Variants in PTPRU observed in about 807,000 individuals in gnomAD.
PTPRU encodes the protein receptor-type tyrosine-protein phosphatase U.
In PTPRU, 69 loss-of-function variants were observed where a neutral mutation model predicts 166.3. The ratio of observed to expected loss-of-function variants is 0.41; its 90% CI spans 0.34 to 0.51. The LOEUF is 0.51. Ranked by LOEUF, PTPRU falls within the 20% of genes least tolerant of loss-of-function variation. The pLI, the probability that PTPRU is intolerant of heterozygous loss-of-function variation, is 0.09. For missense variants in PTPRU, 1,657 were observed against 2,013.7 expected, an observed-to-expected ratio of 0.82 and a Z score of 3.39; for synonymous variants, 793 against 814.0, an observed-to-expected ratio of 0.97 and a Z score of 0.44.
At chr1:29,305,277 T>C in intron 17 of PTPRU, 75 bp from the exon 18 acceptor site, 1 of 1,444,396 alleles carries the variant, frequency 6.9e-7, no homozygotes, top group Non-Finnish European at 9.7e-7. Flanking sequence ...TCCCCTAGCC[T>C]CCAGGAATCC....
At chr1:29,312,491 G>T in intron 21 of PTPRU, 61 bp from the exon 22 acceptor site, 1 of 1,450,988 alleles carries the variant, frequency 6.9e-7, no homozygotes, top group Middle Eastern at 1.8e-4. Context: ...GCACACAGCA[G>T]GTGTCTAATG....
At chr1:29,318,104 G>T (rs1369258782) in intron 25 of PTPRU, among the ~76,000 whole-genome samples, 183 bp downstream of exon 25, 1 of 152,148 alleles carries the variant, frequency 6.6e-6, no homozygotes, top group Non-Finnish European at 1.5e-5. Flanking sequence ...TCAAGCCAGT[G>T]CCCCCCACAC....
intron 15 of PTPRU, among the ~76,000 whole-genome samples, chr1:29,297,895 G>C (rs1421053358): frequency 1.3e-5 from 2 of 152,192 alleles, no homozygotes; most frequent in African/African-American, 4.8e-5. Flanking sequence ...CAGCATTTTG[G>C]TGAGATGGGT....
chr1:29,248,002 T>G (rs868376416), intron 1 of PTPRU, among the ~76,000 whole-genome samples: 1 of 152,268 alleles, frequency 6.6e-6, no homozygotes. Context: ...ACCCATCAGT[T>G]TGTCAGGGCT....
Position 29,319,040 on chromosome 1 carries a change from C to CA in PTPRU, c.3687+1119_3687+1120insA, listed in dbSNP as rs569261300. Among the ~76,000 whole-genome samples, 414 of 152,148 alleles carry CA rather than the reference C, an allele frequency of 2.7e-3. 1 individual carries two copies. In the Middle Eastern group the frequency reaches 0.034, roughly 13 times the overall value. On this transcript the variant is annotated intron_variant, in intron 25 of 29. Transcript: ENST00000373779. ...AGAGGGTAACCACCCAGGGGGCTTC[C>CA]GGGTGTCAGCTGAAGGGGAGGGGAA...
chr1:29,275,359 C>T (rs893306396), intron 7 of PTPRU, 89 bp from the exon 8 acceptor site: 3 of 1,361,300 alleles, frequency 2.2e-6, no homozygotes, highest in South Asian at 1.4e-5. Context: ...TGATTTCAGG[C>T]AGCTGACTGA....
chr1:29,310,687 TG>T, intron 18 of PTPRU, 56 bp from the exon 19 acceptor site: 1 of 1,538,384 alleles, frequency 6.5e-7, no homozygotes, highest in Non-Finnish European at 9.0e-7. Context: ...AGAGGAGGTG[TG>T]GGGGAGTGAG....
intron 15 of PTPRU, among the ~76,000 whole-genome samples, chr1:29,295,182 C>T (rs1485852148): frequency 2.0e-5 from 3 of 151,762 alleles, no homozygotes; most frequent in Non-Finnish European, 2.9e-5. Flanking sequence ...ACTACAGGGG[C>T]GCACCACCAT....
At chr1:29,268,941 T>A (rs1430177108) in intron 7 of PTPRU, among the ~76,000 whole-genome samples, 2 of 150,866 alleles carry the variant, frequency 1.3e-5, no homozygotes, top group South Asian at 4.2e-4. Context: ...GATTTAGAGA[T>A]TTAGCCACTT....
intron 11 of PTPRU, among the ~76,000 whole-genome samples, chr1:29,281,829 G>C (rs1686094291): frequency 1.3e-5 from 2 of 152,244 alleles, no homozygotes; most frequent in African/African-American, 2.4e-5. Context: ...GAGGCTGTCA[G>C]TATGGGATGT....
chr1:29,236,710 TC>T lies in PTPRU; in HGVS notation c.68del (p.Pro23ArgfsTer50). On this transcript the variant is annotated frameshift_variant, in exon 1 of 30. Coordinates refer to ENST00000373779, the MANE Select transcript of PTPRU (RefSeq NM_133178.4). LOFTEE classifies it high-confidence loss of function. This position sits in a 1 kb window ranked among gnomAD's most constrained non-coding sequence, Gnocchi z 4.6. ...AGCTCTGCGCGCCGGAGACCGAGAC[TC>T]CGGCAGGTAAGCGCGCGGCGGCCGG... The part of the protein sequence containing the change: ...FQLCAPETET[P>X]AAGCTFEEAS... 1 of 1,451,048 alleles carries T rather than the reference TC, an allele frequency of 6.9e-7. No individual in the cohort carries two copies. The allele number at this position is 1,451,048 out of a possible 1,614,324, so 89.9% of individuals were successfully genotyped here. A position where few individuals can be genotyped will look rare whatever the true frequency, so the allele number is the denominator to read the frequency against.
At chr1:29,277,641 C>A (rs1685863604) in intron 8 of PTPRU, among the ~76,000 whole-genome samples, 1 of 152,014 alleles carries the variant, frequency 6.6e-6, no homozygotes, top group Non-Finnish European at 1.5e-5. Context: ...ATTCAAGCAC[C>A]ATTCTGAATG....
Position 29,317,956 on chromosome 1 carries a change from C to G in PTPRU, c.3687+35C>G, listed in dbSNP as rs200230957. On this transcript the variant is annotated intron_variant, in intron 25 of 29. Coordinates refer to ENST00000373779, the MANE Select transcript of PTPRU (RefSeq NM_133178.4). The surrounding 1 kb of genome is among the most constrained non-coding windows in gnomAD (Gnocchi z 5.6). ...TGGGGTGGAGTGGGCTCTGGGGCTC[C>G]CCTTCCCAGCAGCATCAGGGAAGGT... 5.6e-6 allele frequency: 9 copies of G among 1,607,926 alleles called. No homozygotes were observed. The East Asian group carries it at 2.0e-4, about 36-fold the overall frequency.
At chr1:29,275,426 C>T (rs1685748328) in intron 7 of PTPRU, 22 bp from the exon 8 acceptor site, 15 of 1,586,896 alleles carry the variant, frequency 9.5e-6, no homozygotes, top group Non-Finnish European at 1.0e-5. Flanking sequence ...AACTTCTTCT[C>T]TCTGCTTCCT....
intron 18 of PTPRU, among the ~76,000 whole-genome samples, chr1:29,306,293 CT>C (rs1459379950): frequency 6.6e-6 from 1 of 152,222 alleles, no homozygotes; most frequent in Non-Finnish European, 1.5e-5. Context: ...GACAGGGCCC[CT>C]AATCCCTACA....
chr1:29,247,557 T>C (rs569273134), intron 1 of PTPRU, among the ~76,000 whole-genome samples: 1 of 152,222 alleles, frequency 6.6e-6, no homozygotes, highest in African/African-American at 2.4e-5. Flanking sequence ...GCCCCTCTAC[T>C]CTATACTCTG....
rs1361836045 is a variant in PTPRU at position 29,236,525 on chromosome 1, C to A, written c.-120C>A. ...CTCGCGCTCTGGACTCGGCGCCAGT[C>A]CCGCTCCGCGCCGCGCCGCTCCGCT... On this transcript the variant is annotated 5_prime_UTR_variant, in exon 1 of 30. Coordinates refer to ENST00000373779, the MANE Select transcript of PTPRU (RefSeq NM_133178.4). This position sits in a 1 kb window ranked among gnomAD's most constrained non-coding sequence, Gnocchi z 4.6. 6 of 766,766 alleles carry A rather than the reference C, an allele frequency of 7.8e-6. No individual in the cohort carries two copies. In the South Asian group the frequency reaches 1.8e-4, roughly 23 times the overall value. 47.5% of individuals were successfully genotyped at this position (766,766 alleles called of 1,614,324 possible). A position where few individuals can be genotyped will look rare whatever the true frequency, so the allele number is the denominator to read the frequency against.
Position 29,291,861 on chromosome 1 carries a change from C to A in PTPRU, c.2319-8C>A. The A allele has an allele frequency of 1.2e-6, 2 of 1,613,562 alleles. No homozygotes were observed. The highest frequency in any genetic ancestry group is 1.7e-6 in the Non-Finnish European group (2 of 1,179,746). ...ATGCCTGTGTCTCCCCTCAACCCCC[C>A]TCTCCAGGAAGCCGGTGAACATGAC... On this transcript the variant is annotated splice_region_variant and splice_polypyrimidine_tract_variant and intron_variant, in intron 14 of 29. Transcript: ENST00000373779. The surrounding 1 kb of genome is among the most constrained non-coding windows in gnomAD (Gnocchi z 4.1).
rs768041624 is a variant in PTPRU at position 29,236,749 on chromosome 1, C to T, written c.73+32C>T. ...GCGCGGCGGCCGGACCGAGCCTGCC[C>T]CGCCGAGCCTCGGGGCCCGTGGCGT... On this transcript the variant is annotated intron_variant, in intron 1 of 29. Coordinates refer to ENST00000373779, the MANE Select transcript of PTPRU (RefSeq NM_133178.4). This position sits in a 1 kb window ranked among gnomAD's most constrained non-coding sequence, Gnocchi z 4.6. 1.4e-6 allele frequency: 2 copies of T among 1,395,088 alleles called. No individual in the cohort carries two copies. Among genetic ancestry groups the T allele is most frequent in the South Asian group, 3.1e-5 (2 of 64,080 alleles). The allele number at this position is 1,395,088 out of a possible 1,614,324, so 86.4% of individuals were successfully genotyped here.
Sources: allele counts gnomAD v4.1 joint callset (sites outside exome capture counted in the v4.1 genomes callset), GRCh38; gene constraint gnomAD v4.1.1; non-coding constraint Gnocchi (gnomAD v3.1); transcripts MANE v1.5; gene names NCBI Gene and HGNC (gene_info 2026-07-23, HGNC 2026-07-21).